AGBL4: variants seen among roughly 807,000 people sequenced by gnomAD.
AGBL4 encodes the protein cytosolic carboxypeptidase 6.
AGBL4 carries 58 observed loss-of-function variants against 66.4 expected under a neutral mutation model. The ratio of observed to expected loss-of-function variants is 0.87; its 90% CI spans 0.71 to 1.09. The LOEUF is 1.09. Ranked by LOEUF, AGBL4 falls within the 50% of genes least tolerant of loss-of-function variation. AGBL4 has a pLI of 0.00. For synonymous variants in AGBL4, 234 were observed against 222.9 expected (o/e 1.05, Z -0.44); for missense variants, 579 against 631.0 (o/e 0.92, Z 0.88).
At chr1:48,926,375 G>T (rs555118723) in intron 5 of AGBL4, among the ~76,000 whole-genome samples, 2 of 151,924 alleles carry the variant, frequency 1.3e-5, no homozygotes, top group East Asian at 3.9e-4. Context: ...TGCCTCCAGG[G>T]TTCAAACAAT....
At chr1:48,882,040 G>T (rs1334462980) in intron 5 of AGBL4, among the ~76,000 whole-genome samples, 4 of 152,202 alleles carry the variant, frequency 2.6e-5, no homozygotes, top group Non-Finnish European at 5.9e-5. Flanking sequence ...CTTGAGGTCA[G>T]GAGTTTGAGA....
chr1:49,148,304 A>T (rs749878143), intron 4 of AGBL4, among the ~76,000 whole-genome samples: 10 of 152,152 alleles, frequency 6.6e-5, no homozygotes, highest in Non-Finnish European at 1.0e-4. Flanking sequence ...GGTAGTCTCC[A>T]GGATTTGGCT....
chr1:49,110,730 C>T (rs1645390092), intron 4 of AGBL4, among the ~76,000 whole-genome samples: 1 of 152,168 alleles, frequency 6.6e-6, no homozygotes, highest in African/African-American at 2.4e-5. Flanking sequence ...CGTGACTCAA[C>T]ACTCCATCCA....
intron 5 of AGBL4, among the ~76,000 whole-genome samples, chr1:48,960,657 G>A (rs1657890105): frequency 6.6e-6 from 1 of 152,176 alleles, no homozygotes; most frequent in African/African-American, 2.4e-5. Context: ...CAATTTGAAA[G>A]TATGAATGGT....
intron 9 of AGBL4, among the ~76,000 whole-genome samples, chr1:48,600,902 G>T (rs1189133670): frequency 6.6e-6 from 1 of 152,160 alleles, no homozygotes; most frequent in Non-Finnish European, 1.5e-5. Flanking sequence ...GCATCTCCTA[G>T]AGATCCAGGA....
At chr1:49,926,656 A>G (rs915317569) in intron 1 of AGBL4, among the ~76,000 whole-genome samples, 1 of 152,214 alleles carries the variant, frequency 6.6e-6, no homozygotes, top group Non-Finnish European at 1.5e-5. Flanking sequence ...CTAAGATAAC[A>G]CAGAGAAGAA....
At chr1:49,291,899 A>G (rs1362742690) in intron 3 of AGBL4, among the ~76,000 whole-genome samples, 1 of 152,168 alleles carries the variant, frequency 6.6e-6, no homozygotes, top group Non-Finnish European at 1.5e-5. Context: ...TGCCCAAGCC[A>G]TCGATATGGA....
chr1:49,299,601 C>T (rs1222403294), intron 3 of AGBL4, among the ~76,000 whole-genome samples: 1 of 152,172 alleles, frequency 6.6e-6, no homozygotes, highest in Non-Finnish European at 1.5e-5. Flanking sequence ...GCTTTTTCTT[C>T]CTTTCCAAAC....
intron 3 of AGBL4, among the ~76,000 whole-genome samples, chr1:49,297,573 T>TG (rs1297251647): frequency 1.2e-4 from 18 of 152,204 alleles, no homozygotes; most frequent in Admixed American, 1.2e-3. Flanking sequence ...CAATGACTCT[T>TG]GCTTCCTGTA....
chr1:48,733,130 TG>T (rs1272950555), intron 6 of AGBL4, among the ~76,000 whole-genome samples: 1 of 151,976 alleles, frequency 6.6e-6, no homozygotes, highest in Non-Finnish European at 1.5e-5. Flanking sequence ...AGCCTGCATG[TG>T]AAAGAAGGGA....
At chr1:49,692,367 T>C (rs1646905199) in intron 3 of AGBL4, among the ~76,000 whole-genome samples, 1 of 152,104 alleles carries the variant, frequency 6.6e-6, no homozygotes, top group Non-Finnish European at 1.5e-5. Context: ...GACTGCTGAT[T>C]TTGACCATGG....
At chr1:49,475,391 G>GT (rs887220834) in intron 3 of AGBL4, among the ~76,000 whole-genome samples, 5 of 151,604 alleles carry the variant, frequency 3.3e-5, no homozygotes, top group South Asian at 2.1e-4. Context: ...TTGGCCTGTA[G>GT]TTTTTTTTGT....
intron 5 of AGBL4, among the ~76,000 whole-genome samples, chr1:48,882,171 T>C (rs1301820636): frequency 1.3e-5 from 2 of 152,172 alleles, no homozygotes; most frequent in African/African-American, 2.4e-5. Flanking sequence ...CTTTATGTCA[T>C]GTGAAAACAG....
chr1:49,045,587 A>G lies in AGBL4; in HGVS notation c.591T>C (p.Ser197=), dbSNP rs1301124643. 17 of 1,604,054 alleles carry G rather than the reference A, an allele frequency of 1.1e-5. No individual in the cohort carries two copies. The highest frequency in any genetic ancestry group is 1.7e-4 in the Middle Eastern group (1 of 6,046). The change falls in exon 5 of 14, where the codon AGT becomes AGC. Residue 197 remains serine (S), a synonymous_variant. Coordinates refer to ENST00000371839, the MANE Select transcript of AGBL4 (RefSeq NM_032785.4). ...DYFFREQLGQ[S]VQQRKLDLLT... ...CCAAACCTGGCACAGGCCTTACCAC[A>G]CTCTGGCCCAGCTGCTCCCGAAAGA...
At chr1:49,905,323 A>C (rs528257235) in intron 1 of AGBL4, among the ~76,000 whole-genome samples, 1 of 152,272 alleles carries the variant, frequency 6.6e-6, no homozygotes, top group South Asian at 2.1e-4. Flanking sequence ...ACCAGCCTGT[A>C]GTCTCTGCCC....
Position 49,221,324 on chromosome 1 carries a change from A to G in AGBL4, c.377+24446T>C, listed in dbSNP as rs543282364. On this transcript the variant is annotated intron_variant, in intron 4 of 13. Coordinates refer to ENST00000371839, the MANE Select transcript of AGBL4 (RefSeq NM_032785.4). ...CACTTCAACATCCTCTAGAGGAGACAGAGTGCTCAATGCCTTCAGAGGCAC... is the reference window on the plus strand; with the variant it reads ...CACTTCAACATCCTCTAGAGGAGACGGAGTGCTCAATGCCTTCAGAGGCAC... Among the ~76,000 whole-genome samples the G allele has an allele frequency of 1.9e-3, 286 of 152,282 alleles. 10 individuals are homozygous for G. The South Asian group carries it at 0.058, about 31-fold the overall frequency.
At chr1:48,985,608 TC>T (rs1319643819) in intron 5 of AGBL4, among the ~76,000 whole-genome samples, 1 of 152,034 alleles carries the variant, frequency 6.6e-6, no homozygotes, top group Admixed American at 6.6e-5. Context: ...TTTTCTGGTG[TC>T]ACCTAATGAA....
intron 2 of AGBL4, among the ~76,000 whole-genome samples, chr1:49,799,293 A>T (rs12137469): frequency 0.095 from 14,360 of 151,560 alleles, 908 homozygotes; most frequent in African/African-American, 0.18. Context: ...AAATCAAATT[A>T]AAAAAAATCC....
chr1:49,363,945 G>T (rs997703813), intron 3 of AGBL4, among the ~76,000 whole-genome samples: 2 of 152,264 alleles, frequency 1.3e-5, no homozygotes, highest in South Asian at 4.1e-4. Flanking sequence ...AAAAACACAG[G>T]GGGGCTGTGG....
Sources: gnomAD v4.1 joint callset for allele counts (sites outside exome capture counted in the v4.1 genomes callset) on GRCh38, gnomAD v4.1.1 for gene constraint, MANE v1.5 for transcripts, NCBI Gene and HGNC (gene_info 2026-07-23, HGNC 2026-07-21) for gene names.